The following RPRD2 variants were observed in gnomAD, a reference collection of about 807,000 sequenced individuals.
RPRD2 encodes regulation of nuclear pre-mRNA domain containing 2, also known as regulation of nuclear pre-mRNA domain-containing protein 2.
RPRD2 carries 12 observed loss-of-function variants against 104.4 expected under a neutral mutation model. The ratio of observed to expected loss-of-function variants is 0.11; its 90% confidence interval spans 0.07 to 0.19. RPRD2 has a LOEUF of 0.19. Ranked by LOEUF, RPRD2 falls within the 10% of genes least tolerant of loss-of-function variation. The pLI is 1.00. For synonymous variants in RPRD2, 714 were observed against 684.9 expected (o/e 1.04, Z -0.66); for missense variants, 1,543 against 1,790.1 (o/e 0.86, Z 2.49).
At chr1:150,411,272 C>G (rs1663879801) in intron 1 of RPRD2, among the ~76,000 whole-genome samples, 1 of 149,936 alleles carries the variant, frequency 6.7e-6, no homozygotes, top group African/African-American at 2.5e-5. Flanking sequence ...ACCAGCCTGA[C>G]CAACATGATG....
chr1:150,385,583 T>C (rs1214609603), intron 1 of RPRD2, among the ~76,000 whole-genome samples: 1 of 152,224 alleles, frequency 6.6e-6, no homozygotes, highest in Non-Finnish European at 1.5e-5. Flanking sequence ...ATATTAAGTA[T>C]GGGTTATCAT....
chr1:150,370,443 A>G (rs1262708653), intron 1 of RPRD2, among the ~76,000 whole-genome samples: 1 of 152,162 alleles, frequency 6.6e-6, no homozygotes, highest in African/African-American at 2.4e-5. Context: ...CACTGTCTAC[A>G]GTGCTGGAAA....
intron 1 of RPRD2, among the ~76,000 whole-genome samples, chr1:150,411,982 G>T (rs11205367): frequency 0.082 from 12,431 of 151,830 alleles, 673 homozygotes; most frequent in Non-Finnish European, 0.12. Flanking sequence ...AATTAGCCGG[G>T]CATGGTGGCA....
At chr1:150,444,148 GTTTGTTTTGTTTTGT>G (rs771139817) in intron 5 of RPRD2, 88 bp from the exon 6 acceptor site, 1 of 1,171,348 alleles carries the variant, frequency 8.5e-7, no homozygotes, top group African/African-American at 1.5e-5. Context: ...GCTTTAGGGT[GTTTGTTTTGTTTTGT>G]TTTGTTTTGT....
At chr1:150,415,374 CAAATT>C (rs1364326005) in intron 1 of RPRD2, among the ~76,000 whole-genome samples, 3 of 151,556 alleles carry the variant, frequency 2.0e-5, no homozygotes, top group Non-Finnish European at 4.4e-5. Flanking sequence ...AAATAAGAAT[CAAATT>C]AAAATACAAG....
chr1:150,393,937 T>TA (rs1245779238), intron 1 of RPRD2, among the ~76,000 whole-genome samples: 16 of 151,268 alleles, frequency 1.1e-4, no homozygotes, highest in East Asian at 3.9e-4. Flanking sequence ...TAACAGTATA[T>TA]AAAAAAAAAC....
chr1:150,421,775 G>C (rs1190242723), intron 2 of RPRD2, among the ~76,000 whole-genome samples: 1 of 152,028 alleles, frequency 6.6e-6, no homozygotes, highest in African/African-American at 2.4e-5. Flanking sequence ...CCAGGAGTTT[G>C]AGACCAGCCT....
rs782122481 is a variant in RPRD2, at chr1:150,364,691, G to A, written c.-24G>A. On this transcript the variant is annotated 5_prime_UTR_variant, in exon 1 of 11. Coordinates refer to ENST00000369068, the MANE Select transcript of RPRD2 (RefSeq NM_015203.5). ...CGCCGCCGCCGCCGCCAGAGGAGCA[G>A]CAGCGCTTGTGCAAACCGGGAAGAT... The A allele has an allele frequency of 6.9e-7, 1 of 1,453,032 alleles. No homozygotes were observed. The highest frequency in any genetic ancestry group is 9.4e-7 in the Non-Finnish European group (1 of 1,062,562). 90.0% of individuals were successfully genotyped at this position (1,453,032 alleles called of 1,614,324 possible). A position where few individuals can be genotyped will look rare whatever the true frequency, so the allele number is the denominator to read the frequency against.
intron 7 of RPRD2, among the ~76,000 whole-genome samples, chr1:150,449,494 A>G (rs1262128403): frequency 2.0e-5 from 3 of 151,036 alleles, no homozygotes; most frequent in Non-Finnish European, 4.4e-5. Flanking sequence ...TTAGATTTCT[A>G]TTTTGTCTCC....
rs34949625 is a variant in RPRD2, at chr1:150,368,459, A to AT, written c.205+3561dup. 2.7e-3 allele frequency among the ~76,000 whole-genome samples: 283 copies of AT among 103,658 alleles called. 1 individual carries two copies. Among genetic ancestry groups the AT allele is most frequent in the African/African-American group, 6.5e-3 (167 of 25,754 alleles). The allele number at this position is 103,658 out of a possible 152,430, so 68.0% of individuals were successfully genotyped here. ...AGGCGTGCACCACTAAGCCCAGCTA[A>AT]TTTTTTTTTTTTTTTTTTTTTGAGA... On this transcript the variant is annotated intron_variant, in intron 1 of 10. Transcript: ENST00000369068.
chr1:150,471,677 C>G lies in RPRD2; in HGVS notation c.2729C>G (p.Pro910Arg), dbSNP rs1668596858. The change falls in exon 11 of 11, where the codon CCT (proline) becomes CGT (arginine). Residue 910 changes from proline to arginine, a missense_variant. Around this residue, in one of 4 missense-constraint regions of RPRD2, gnomAD observed 880 missense variants for 885.6 expected, o/e 0.99. Transcript: ENST00000369068. This position sits in a 1 kb window ranked among gnomAD's most constrained non-coding sequence, Gnocchi z 5.3. ...AACTGTGACCGTCTCTCATCTTCCC[C>G]TGGGCTATTTGGTGCCTTCAGCGTA... ...SENCDRLSSS[P>R]GLFGAFSVRG... The G allele has an allele frequency of 1.9e-6, 3 of 1,613,956 alleles. No individual in the cohort carries two copies. The highest frequency in any genetic ancestry group is 2.5e-6 in the Non-Finnish European group (3 of 1,179,890).
chr1:150,402,667 A>G (rs1333217967), intron 1 of RPRD2, among the ~76,000 whole-genome samples: 1 of 152,042 alleles, frequency 6.6e-6, no homozygotes, highest in Admixed American at 6.5e-5. Flanking sequence ...CAATGTGGCA[A>G]ATCAAGATCC....
chr1:150,386,830 A>G (rs1483190872), intron 1 of RPRD2, among the ~76,000 whole-genome samples: 3 of 152,196 alleles, frequency 2.0e-5, no homozygotes, highest in African/African-American at 7.2e-5. Flanking sequence ...TGAAGTAGCA[A>G]CAGGAGATGG....
intron 9 of RPRD2, among the ~76,000 whole-genome samples, chr1:150,460,788 G>T (rs1353409878): frequency 4.6e-5 from 7 of 150,954 alleles, no homozygotes; most frequent in Non-Finnish European, 8.8e-5. Flanking sequence ...GAGTGCAATG[G>T]TGCAAACTTC....
intron 1 of RPRD2, 34 bp from the exon 2 acceptor site, chr1:150,417,562 T>C (rs781790254): frequency 5.5e-6 from 8 of 1,467,306 alleles, no homozygotes; most frequent in Admixed American, 2.2e-5. Flanking sequence ...AATTGACTCA[T>C]TTGGTTTTAT....
In RPRD2 at chr1:150,464,736, CAT is replaced by C. The variant is rs781881377; in HGVS notation, c.1612+12_1612+13del. Reference sequence around the variant, plus strand: ...AGCCCCTGCACTGCAAGGTAACTGACATATGCCAGAGGGACTCGAATTGTGAA... The same window carrying C: ...AGCCCCTGCACTGCAAGGTAACTGACATGCCAGAGGGACTCGAATTGTGAA... On this transcript the variant is annotated intron_variant, in intron 10 of 10. Transcript: ENST00000369068. 13 of 1,605,114 alleles carry C rather than the reference CAT, an allele frequency of 8.1e-6. No individual in the cohort carries two copies. The African/African-American group carries it at 1.5e-4, about 18-fold the overall frequency.
intron 2 of RPRD2, among the ~76,000 whole-genome samples, chr1:150,439,740 G>A (rs1378956862): frequency 2.0e-5 from 3 of 150,346 alleles, no homozygotes; most frequent in African/African-American, 7.4e-5. Context: ...AATGGTTTCT[G>A]TTCTTTGGCA....
chr1:150,433,359 C>T (rs1255330253), intron 2 of RPRD2, among the ~76,000 whole-genome samples: 1 of 149,352 alleles, frequency 6.7e-6, no homozygotes, highest in Non-Finnish European at 1.5e-5. Flanking sequence ...CATCAACAGA[C>T]AGACCCTCTC....
chr1:150,400,022 T>C (rs1054651556), intron 1 of RPRD2, among the ~76,000 whole-genome samples: 3 of 152,232 alleles, frequency 2.0e-5, no homozygotes, highest in Admixed American at 6.5e-5. Flanking sequence ...TTCATAAATA[T>C]GGTATATCTC....
Sources: allele counts gnomAD v4.1 joint callset (sites outside exome capture counted in the v4.1 genomes callset), GRCh38; gene constraint gnomAD v4.1.1; regional missense constraint gnomAD v4.1.1; non-coding constraint Gnocchi (gnomAD v3.1); transcripts MANE v1.5; gene names NCBI Gene and HGNC (gene_info 2026-07-23, HGNC 2026-07-21).